Variants in OR2L13 observed in about 807,000 individuals in gnomAD.
OR2L13 encodes olfactory receptor 2L13.
In OR2L13, 14 loss-of-function variants were observed where a neutral mutation model predicts 15.3. The ratio of observed to expected loss-of-function variants is 0.91; its 90% confidence interval spans 0.60 to 1.43. The LOEUF (loss-of-function observed/expected upper bound fraction) is 1.43, where lower values mean the gene tolerates loss of function less well. Ranked by LOEUF, OR2L13 falls within the 40% of genes most tolerant of loss-of-function variation. OR2L13 has a pLI of 0.00. For synonymous variants in OR2L13, 152 were observed against 142.9 expected (o/e 1.06, Z -0.45); for missense variants, 367 against 387.9 (o/e 0.95, Z 0.45).
chr1:248,090,676 C>T (rs1250543166), upstream of OR2L13, among the ~76,000 whole-genome samples: 1 of 152,154 alleles, frequency 6.6e-6, no homozygotes, highest in African/African-American at 2.4e-5. Flanking sequence ...TTTCTTTATC[C>T]AATCTACTAT....
At chr1:247,969,428 A>AT in the OR2L13 span, among the ~76,000 whole-genome samples, 2 of 152,130 alleles carry the variant, frequency 1.3e-5, no homozygotes, top group Non-Finnish European at 2.9e-5. Context: ...GGGACAAGGC[A>AT]TTTTTATAAC....
At chr1:247,981,716 CACTGAT>C in the OR2L13 span, among the ~76,000 whole-genome samples, 5,882 of 152,128 alleles carry the variant, frequency 0.039, 347 homozygotes, top group African/African-American at 0.13. Context: ...ATGTTGAGGG[CACTGAT>C]AATGAGAAAG....
upstream of OR2L13, among the ~76,000 whole-genome samples, chr1:248,090,441 C>T (rs1664569078): frequency 6.6e-6 from 1 of 152,038 alleles, no homozygotes; most frequent in South Asian, 2.1e-4. Context: ...TTGTCTCTCA[C>T]CTTCCACCCT....
At chr1:248,088,389 T>G in the OR2L13 span, among the ~76,000 whole-genome samples, 2 of 152,224 alleles carry the variant, frequency 1.3e-5, no homozygotes. Flanking sequence ...TTAATCTCAC[T>G]TCTATTTCTT....
At chr1:248,099,537 C>G (rs1454101892) in exon 3 of OR2L13, 1 of 1,613,962 alleles carries the variant, frequency 6.2e-7, no homozygotes, top group Non-Finnish European at 8.5e-7. Flanking sequence ...ATCCTCGTCT[C>G]CACACACCGA....
chr1:248,071,335 T>G, the OR2L13 span, among the ~76,000 whole-genome samples: 1 of 152,082 alleles, frequency 6.6e-6, no homozygotes, highest in Non-Finnish European at 1.5e-5. Flanking sequence ...TGCAAATCAA[T>G]AAATGTAATC....
chr1:248,089,902 A>T, the OR2L13 span, among the ~76,000 whole-genome samples: 1 of 152,266 alleles, frequency 6.6e-6, no homozygotes, highest in Non-Finnish European at 1.5e-5. Flanking sequence ...AACCAATCAC[A>T]AATCAGAAAA....
chr1:248,084,872 C>A, the OR2L13 span, among the ~76,000 whole-genome samples: 1 of 152,146 alleles, frequency 6.6e-6, no homozygotes, highest in South Asian at 2.1e-4. Flanking sequence ...TGAGATGATA[C>A]CTTGTCTGTG....
At chr1:248,058,489 A>G in the OR2L13 span, among the ~76,000 whole-genome samples, 1 of 152,092 alleles carries the variant, frequency 6.6e-6, no homozygotes, top group Non-Finnish European at 1.5e-5. Context: ...TATGGAATTT[A>G]TTGCTACAAT....
At chr1:247,944,264 T>C in the OR2L13 span, among the ~76,000 whole-genome samples, 1 of 152,116 alleles carries the variant, frequency 6.6e-6, no homozygotes, top group African/African-American at 2.4e-5. Flanking sequence ...GAATCTTTTT[T>C]TTTGCTTTGC....
the OR2L13 span, chr1:248,051,135 CTTTGTT>C: frequency 2.6e-4 from 39 of 152,210 alleles, no homozygotes; most frequent in African/African-American, 9.2e-4. Context: ...CCAACTAACA[CTTTGTT>C]TTTGTTAAAC....
chr1:247,966,194 C>T, the OR2L13 span: 40 of 1,613,684 alleles, frequency 2.5e-5, no homozygotes, highest in South Asian at 7.7e-5. Flanking sequence ...CGGGATAAGG[C>T]GGTGGCAGTA....
the OR2L13 span, among the ~76,000 whole-genome samples, chr1:248,028,767 C>A: frequency 1.3e-5 from 2 of 152,090 alleles, no homozygotes; most frequent in Non-Finnish European, 2.9e-5. Context: ...TGTGATGTGA[C>A]CCTGGTGGGT....
At chr1:247,965,514 C>T in the OR2L13 span, 3 of 1,613,198 alleles carry the variant, frequency 1.9e-6, no homozygotes, top group East Asian at 2.2e-5. Flanking sequence ...TCATGCTGAT[C>T]CACCTCATTC....
At chr1:248,030,486 G>A in the OR2L13 span, among the ~76,000 whole-genome samples, 2 of 152,162 alleles carry the variant, frequency 1.3e-5, no homozygotes, top group African/African-American at 4.8e-5. Context: ...GGAAGAGACA[G>A]GGATACATTA....
chr1:247,990,520 CT>C, the OR2L13 span: 1 of 1,575,266 alleles, frequency 6.3e-7, no homozygotes, highest in Non-Finnish European at 8.7e-7. Context: ...TATGATTTTT[CT>C]GTATGGAAAC....
At chr1:248,026,711 C>T in the OR2L13 span, among the ~76,000 whole-genome samples, 1 of 152,202 alleles carries the variant, frequency 6.6e-6, no homozygotes, top group African/African-American at 2.4e-5. Flanking sequence ...TTTCTTACCC[C>T]TGTCTTTACT....
At chr1:247,993,807 G>GAGAGAAAGAGAA in the OR2L13 span, among the ~76,000 whole-genome samples, 1 of 129,018 alleles carries the variant, frequency 7.8e-6, no homozygotes, top group South Asian at 2.3e-4. Context: ...GAGAGAGAGA[G>GAGAGAAAGAGAA]AGAGAAAGAA....
At chr1:247,967,045 C>CACACACACACACACACA in the OR2L13 span, among the ~76,000 whole-genome samples, 54 of 147,510 alleles carry the variant, frequency 3.7e-4, no homozygotes, top group South Asian at 8.5e-3. Context: ...ACACCACACA[C>CACACACACACACACACA]CACACACACA....
Sources: gnomAD v4.1 joint callset for allele counts (sites outside exome capture counted in the v4.1 genomes callset) on GRCh38, gnomAD v4.1.1 for gene constraint, MANE v1.5 for transcripts, NCBI Gene and HGNC (gene_info 2026-07-23, HGNC 2026-07-21) for gene names.